HECTD2: variants seen among roughly 807,000 people sequenced by gnomAD.
The protein encoded by HECTD2 is HECT domain E3 ubiquitin protein ligase 2.
A neutral mutation model predicts 103.2 loss-of-function variants in HECTD2; 35 were observed. The ratio of observed to expected loss-of-function variants is 0.34; its 90% CI spans 0.26 to 0.45. The LOEUF (loss-of-function observed/expected upper bound fraction) is 0.45, where lower values mean the gene tolerates loss of function less well. HECTD2 is among the 20% of genes least tolerant of loss of function. HECTD2 has a pLI of 1.00. For missense variants in HECTD2, 596 were observed against 937.4 expected (o/e 0.64, Z 4.76); for synonymous variants, 281 against 329.9 (o/e 0.85, Z 1.61).
rs368966238 is a variant in HECTD2 at position 91,438,260 on chromosome 10, G to A, written c.268+12850G>A. Reference sequence around the variant, plus strand: ...CCCCCACTCACTGACAGGTCCTGGTGTGTGATGTTCCCCTTTCTGTGTCCA... The same window carrying A: ...CCCCCACTCACTGACAGGTCCTGGTATGTGATGTTCCCCTTTCTGTGTCCA... On this transcript the variant is annotated intron_variant, in intron 2 of 20. Transcript: ENST00000298068. Among the ~76,000 whole-genome samples, 14 of 152,240 alleles carry A rather than the reference G, an allele frequency of 9.2e-5. No homozygotes were observed. In the East Asian group the frequency reaches 2.7e-3, roughly 29 times the overall value.
intron 1 of HECTD2, among the ~76,000 whole-genome samples, chr10:91,411,962 G>A (rs1749765868): frequency 6.6e-6 from 1 of 151,946 alleles, no homozygotes; most frequent in South Asian, 2.1e-4. Flanking sequence ...AAATGAGTGG[G>A]TTTAGGTCCT....
intron 5 of HECTD2, among the ~76,000 whole-genome samples, chr10:91,465,756 C>G (rs998572488): frequency 3.3e-5 from 5 of 151,990 alleles, no homozygotes; most frequent in Non-Finnish European, 7.4e-5. Context: ...AGGTGTTGAA[C>G]CAGACTTGCA....
chr10:91,425,167 C>A (rs1051771150), intron 1 of HECTD2, 114 bp from the exon 2 acceptor site: 5 of 825,048 alleles, frequency 6.1e-6, no homozygotes, highest in Middle Eastern at 3.1e-4. Context: ...ACGTTTTTAT[C>A]TATTATCTAC....
intron 20 of HECTD2, among the ~76,000 whole-genome samples, chr10:91,503,609 C>A (rs1847007169): frequency 6.6e-6 from 1 of 152,222 alleles, no homozygotes; most frequent in Non-Finnish European, 1.5e-5. Flanking sequence ...ATATCCCGCA[C>A]TTGGCTCGGA....
intron 1 of HECTD2, among the ~76,000 whole-genome samples, chr10:91,410,946 GTGCCTGCC>G (rs946422515): frequency 6.6e-6 from 1 of 152,114 alleles, no homozygotes; most frequent in Non-Finnish European, 1.5e-5. Context: ...TTCCACGGAG[GTGCCTGCC>G]TGCCTGCCTG....
chr10:91,513,113 G>A lies in HECTD2; in HGVS notation c.*729G>A, dbSNP rs1008842256. ...GATTCAAGGTTATATTCTTTTAAGT[G>A]TTGTTAGTCTGCATGCACATTGGCA... On this transcript the variant is annotated 3_prime_UTR_variant, in exon 21 of 21. Transcript: ENST00000298068. 3.9e-5 allele frequency: 6 copies of A among 152,610 alleles called. No individual in the cohort carries two copies. Among genetic ancestry groups the A allele is most frequent in the Non-Finnish European group, 8.8e-5 (6 of 68,022 alleles). The allele number at this position is 152,610 out of a possible 1,614,324, so 9.5% of individuals were successfully genotyped here.
intron 14 of HECTD2, among the ~76,000 whole-genome samples, 188 bp downstream of exon 14, chr10:91,493,696 TGA>T (rs918550501): frequency 5.3e-5 from 8 of 152,144 alleles, no homozygotes; most frequent in Non-Finnish European, 1.0e-4. Context: ...TTGAAAGAAA[TGA>T]GAGTTTGATT....
At chr10:91,491,758 C>T (rs1354763677) in intron 12 of HECTD2, among the ~76,000 whole-genome samples, 1 of 152,116 alleles carries the variant, frequency 6.6e-6, no homozygotes, top group Non-Finnish European at 1.5e-5. Context: ...ATTGCATTTT[C>T]ATGTATTATC....
chr10:91,429,675 T>G (rs1025394447), intron 2 of HECTD2, among the ~76,000 whole-genome samples: 2 of 152,166 alleles, frequency 1.3e-5, no homozygotes, highest in Non-Finnish European at 2.9e-5. Flanking sequence ...TAGAGGTGTT[T>G]GTAGTATTCT....
intron 5 of HECTD2, among the ~76,000 whole-genome samples, chr10:91,469,596 T>G (rs1169622999): frequency 2.0e-5 from 3 of 152,166 alleles, no homozygotes; most frequent in Admixed American, 1.3e-4. Context: ...CAAGAAATCC[T>G]TAAGGGAGTA....
intron 5 of HECTD2, among the ~76,000 whole-genome samples, chr10:91,470,775 T>C (rs562911958): frequency 1.3e-5 from 2 of 151,896 alleles, no homozygotes; most frequent in South Asian, 4.2e-4. Context: ...GCTCTGAAAT[T>C]GAATCAGTAA....
intron 5 of HECTD2, among the ~76,000 whole-genome samples, chr10:91,474,367 C>T (rs1057047203): frequency 2.0e-5 from 3 of 152,014 alleles, no homozygotes; most frequent in African/African-American, 7.2e-5. Context: ...AATTATATTC[C>T]ATGCTAAGCA....
rs1564735885 is a variant in HECTD2, at chr10:91,498,909, A to G, written c.1793A>G (p.Asn598Ser). Residue 598 changes from asparagine (N) to serine (S), a missense_variant, in exon 17 of 21, where the codon AAT becomes AGT. Physicochemically the swap from Asn to Ser is conservative, Grantham distance 46. Around this residue, in one of 4 missense-constraint regions of HECTD2, gnomAD observed 303 missense variants for 522.5 expected, o/e 0.58. Transcript: ENST00000298068. The part of the protein sequence containing the change: ...QEEFGIIKSY[N>S]LKPGGDKISV... ...GAATTTGGAATAATCAAGTCCTATA[A>G]TTTAAAGCCCGGTGGTGATAAAATT... The G allele has an allele frequency of 6.2e-7, 1 of 1,607,034 alleles. No individual in the cohort carries two copies. The highest frequency in any genetic ancestry group is 2.2e-5 in the East Asian group (1 of 44,758).
intron 6 of HECTD2, among the ~76,000 whole-genome samples, chr10:91,478,972 T>C (rs1324604050): frequency 3.9e-5 from 6 of 152,148 alleles, no homozygotes; most frequent in Non-Finnish European, 1.5e-5. Context: ...TCATGCTTAT[T>C]ATAGAAAATA....
intron 5 of HECTD2, among the ~76,000 whole-genome samples, chr10:91,477,074 G>A (rs367790660): frequency 6.6e-5 from 10 of 152,192 alleles, no homozygotes; most frequent in African/African-American, 1.9e-4. Context: ...CCAGCTACTC[G>A]GGAGGCTGAG....
At chr10:91,455,022 A>G (rs529555859) in intron 2 of HECTD2, among the ~76,000 whole-genome samples, 5 of 152,294 alleles carry the variant, frequency 3.3e-5, no homozygotes, top group South Asian at 4.2e-4. Context: ...TAGTGCCGCA[A>G]TAAACATACG....
rs530538760 is a variant in HECTD2, at chr10:91,505,906, A to T, written c.2210+4572A>T. On this transcript the variant is annotated intron_variant, in intron 20 of 20. Transcript: ENST00000298068. Reference sequence around the variant, plus strand: ...CTCCTCAGCAAATGTAAAAGAACAGACACTATAACAAACTATCTCTCAGAC... The same window carrying T: ...CTCCTCAGCAAATGTAAAAGAACAGTCACTATAACAAACTATCTCTCAGAC... Among the ~76,000 whole-genome samples, 39 of 152,284 alleles carry T rather than the reference A, an allele frequency of 2.6e-4. No homozygotes were observed. The East Asian group carries it at 6.6e-3, about 26-fold the overall frequency.
chr10:91,458,472 G>A (rs183782385), intron 2 of HECTD2, among the ~76,000 whole-genome samples: 9 of 152,056 alleles, frequency 5.9e-5, no homozygotes, highest in African/African-American at 2.2e-4. Context: ...ACTGGAATGG[G>A]TAAAACTGTT....
Position 91,498,155 on chromosome 10 carries a change from TGAA to T in HECTD2, c.1734_1736del (p.Glu578del), listed in dbSNP as rs1463609295. 3.7e-6 allele frequency: 6 copies of T among 1,611,444 alleles called. No individual in the cohort carries two copies. Among genetic ancestry groups the T allele is most frequent in the Non-Finnish European group, 5.1e-6 (6 of 1,177,806 alleles). On this transcript the variant is annotated inframe_deletion, in exon 16 of 21. Transcript: ENST00000298068. ...AACTCTTATCACATGAAGGCAATGT[TGAA>T]GAAGATTTCTATTCAACATTTCAGG...
Sources: gnomAD v4.1 joint callset for allele counts (sites outside exome capture counted in the v4.1 genomes callset) on GRCh38, gnomAD v4.1.1 for gene constraint, gnomAD v4.1.1 regional missense constraint, MANE v1.5 for transcripts, NCBI Gene and HGNC (gene_info 2026-07-23, HGNC 2026-07-21) for gene names.